Variants in CACNB4 observed in about 807,000 individuals in gnomAD.
The protein encoded by CACNB4 is voltage-dependent L-type calcium channel subunit beta-4.
Under a neutral mutation model 71.2 loss-of-function variants are expected in CACNB4, and 32 were observed. The ratio of observed to expected loss-of-function variants is 0.45; its 90% CI spans 0.34 to 0.60. The LOEUF (loss-of-function observed/expected upper bound fraction) is 0.60. Among genes scored for constraint, CACNB4 ranks in the 20% least tolerant of loss-of-function variants. The pLI is 0.01. For missense variants in CACNB4, 464 were observed against 647.9 expected (o/e 0.72, Z 3.08); for synonymous variants, 231 against 236.9 (o/e 0.97, Z 0.23).
At chr2:151,958,732 T>G (rs1292764329) in intron 2 of CACNB4, among the ~76,000 whole-genome samples, 1 of 152,210 alleles carries the variant, frequency 6.6e-6, no homozygotes, top group Admixed American at 6.5e-5. Flanking sequence ...TTCCACAGCT[T>G]TTTATTTGGA....
chr2:151,999,013 G>C (rs1408779826), intron 2 of CACNB4, among the ~76,000 whole-genome samples: 1 of 152,198 alleles, frequency 6.6e-6, no homozygotes, highest in African/African-American at 2.4e-5. Context: ...ACACCCCGGG[G>C]CTGAGCCTGA....
intron 2 of CACNB4, among the ~76,000 whole-genome samples, chr2:151,910,753 T>C (rs1419683949): frequency 6.6e-6 from 1 of 152,238 alleles, no homozygotes; most frequent in Non-Finnish European, 1.5e-5. Context: ...CTTTGTTCTT[T>C]TTGCTTAAGA....
chr2:152,051,727 T>C (rs879370335), intron 2 of CACNB4, among the ~76,000 whole-genome samples: 2 of 152,178 alleles, frequency 1.3e-5, no homozygotes, highest in Non-Finnish European at 2.9e-5. Context: ...CTTTCTGTTG[T>C]TTAAGCCACC....
rs1559836663 is a variant in CACNB4 at position 151,836,866 on chromosome 2, T to C, written c.*2253A>G. On this transcript the variant is annotated 3_prime_UTR_variant, in exon 14 of 14. Coordinates refer to ENST00000539935, the MANE Select transcript of CACNB4 (RefSeq NM_000726.5). ...AGTAGTTAAATGACCAAACTGCTAA[T>C]GCTACTACAGAAAAAGCTGAACAGC... The C allele has an allele frequency of 6.6e-6, 1 of 152,002 alleles. No homozygotes were observed. The highest frequency in any genetic ancestry group is 2.4e-5 in the African/African-American group (1 of 41,448). The allele number at this position is 152,002 out of a possible 1,614,324, so 9.4% of individuals were successfully genotyped here. A position where few individuals can be genotyped will look rare whatever the true frequency, so the allele number is the denominator to read the frequency against.
chr2:151,980,694 T>A (rs1425692604), intron 2 of CACNB4, among the ~76,000 whole-genome samples: 1 of 152,158 alleles, frequency 6.6e-6, no homozygotes, highest in African/African-American at 2.4e-5. Flanking sequence ...AATATGGGTA[T>A]TTTTTAGAGC....
At chr2:151,938,709 G>A (rs1010562078) in intron 2 of CACNB4, among the ~76,000 whole-genome samples, 4 of 152,100 alleles carry the variant, frequency 2.6e-5, no homozygotes, top group Admixed American at 6.5e-5. Flanking sequence ...GCTATTCTTC[G>A]TCTCCTCACC....
chr2:152,091,800 T>C (rs1161602846), intron 2 of CACNB4, among the ~76,000 whole-genome samples: 1 of 152,056 alleles, frequency 6.6e-6, no homozygotes, highest in Non-Finnish European at 1.5e-5. Flanking sequence ...GCTCAGCCAA[T>C]GGGAGGAACT....
intron 2 of CACNB4, among the ~76,000 whole-genome samples, chr2:152,068,665 T>C (rs562392510): frequency 1.1e-4 from 16 of 152,254 alleles, no homozygotes; most frequent in Non-Finnish European, 1.9e-4. Flanking sequence ...GATAGGAAGA[T>C]GGTTTCCTGT....
chr2:151,952,768 T>A (rs1044428337), intron 2 of CACNB4, among the ~76,000 whole-genome samples: 18 of 152,210 alleles, frequency 1.2e-4, no homozygotes, highest in African/African-American at 4.3e-4. Context: ...TCAGCTGAAC[T>A]AAAAGCCTGT....
In CACNB4 at chr2:151,855,365, T is replaced by C. The variant is rs767499282; in HGVS notation, c.879A>G (p.Gln293=). The C allele has an allele frequency of 1.9e-6, 3 of 1,589,658 alleles. No individual in the cohort carries two copies. Among genetic ancestry groups the C allele is most frequent in the Non-Finnish European group, 2.6e-6 (3 of 1,160,620 alleles). Residue 293 remains glutamine (Q), a synonymous_variant, in exon 11 of 14, where the codon CAA becomes CAG. Transcript: ENST00000539935. ...ACTCAAAGATTCTTTCAATTTCACT[T>C]TGTACTTCCGCTTAAAGGAAAAATA... The part of the protein sequence containing the change: ...SNTRSSLAEV[Q]SEIERIFELA...
At chr2:152,013,116 C>CTATA (rs940174656) in intron 2 of CACNB4, among the ~76,000 whole-genome samples, 3 of 152,198 alleles carry the variant, frequency 2.0e-5, no homozygotes, top group African/African-American at 7.2e-5. Flanking sequence ...GAGCAACAGG[C>CTATA]TATACCACAT....
chr2:152,060,270 C>A (rs1195920871), intron 2 of CACNB4, among the ~76,000 whole-genome samples: 1 of 152,092 alleles, frequency 6.6e-6, no homozygotes, highest in Non-Finnish European at 1.5e-5. Context: ...AGTTAATCAA[C>A]AGTTGGGATT....
At chr2:152,088,975 A>C (rs147549904) in intron 2 of CACNB4, among the ~76,000 whole-genome samples, 50 of 152,334 alleles carry the variant, frequency 3.3e-4, no homozygotes, top group African/African-American at 1.2e-3. Context: ...TGTTACTTGA[A>C]AGCAGTAAAG....
At chr2:151,945,444 A>G (rs893463245) in intron 2 of CACNB4, among the ~76,000 whole-genome samples, 1 of 152,072 alleles carries the variant, frequency 6.6e-6, no homozygotes, top group African/African-American at 2.4e-5. Context: ...TGAGGTGGGG[A>G]CTGCTTGAGC....
intron 2 of CACNB4, among the ~76,000 whole-genome samples, chr2:152,049,901 ACAGTG>A (rs1685331859): frequency 6.6e-6 from 1 of 152,256 alleles, no homozygotes; most frequent in Non-Finnish European, 1.5e-5. Flanking sequence ...TCATTAACCT[ACAGTG>A]AGGAACTTCT....
intron 2 of CACNB4, among the ~76,000 whole-genome samples, chr2:151,952,214 C>T (rs1369452162): frequency 6.6e-6 from 1 of 152,144 alleles, no homozygotes; most frequent in Non-Finnish European, 1.5e-5. Flanking sequence ...AGAATGGAAT[C>T]AGCCACGTCC....
At chr2:152,033,487 T>C (rs1314062330) in intron 2 of CACNB4, among the ~76,000 whole-genome samples, 1 of 152,196 alleles carries the variant, frequency 6.6e-6, no homozygotes, top group Non-Finnish European at 1.5e-5. Flanking sequence ...TCCAGCTGCC[T>C]TTCTAGCACG....
At chr2:151,928,327 A>G (rs558667546) in intron 2 of CACNB4, among the ~76,000 whole-genome samples, 42 of 152,332 alleles carry the variant, frequency 2.8e-4, no homozygotes, top group African/African-American at 9.4e-4. Context: ...GTTAAATTGT[A>G]GATACCTGAA....
At chr2:152,065,771 T>C (rs569146697) in intron 2 of CACNB4, among the ~76,000 whole-genome samples, 61 of 152,258 alleles carry the variant, frequency 4.0e-4, no homozygotes, top group African/African-American at 1.2e-3. Flanking sequence ...TTTTTTAAGA[T>C]GGGTTGTCAC....
Sources: allele counts gnomAD v4.1 joint callset (sites outside exome capture counted in the v4.1 genomes callset), GRCh38; gene constraint gnomAD v4.1.1; transcripts MANE v1.5; gene names NCBI Gene and HGNC (gene_info 2026-07-23, HGNC 2026-07-21).